Variants in FAM20C observed in about 807,000 individuals in gnomAD.
The protein encoded by FAM20C is FAM20C golgi associated secretory pathway kinase.
A neutral mutation model predicts 51.5 loss-of-function variants in FAM20C; 40 were observed. That is an observed-to-expected ratio of 0.78 (90% CI 0.60 to 1.01). The LOEUF (loss-of-function observed/expected upper bound fraction) is 1.01. FAM20C is among the 50% of genes least tolerant of loss of function. FAM20C has a pLI of 0.00. For missense variants in FAM20C, 861 were observed against 844.7 expected (o/e 1.02, Z -0.24); for synonymous variants, 406 against 380.6 (o/e 1.07, Z -0.78).
intron 2 of FAM20C, among the ~76,000 whole-genome samples, chr7:199,900 CT>C (rs1222410031): frequency 1.3e-5 from 2 of 152,210 alleles, no homozygotes; most frequent in Admixed American, 6.5e-5. Flanking sequence ...AGCTTCTGGA[CT>C]GAAATACAGA....
At chr7:214,441 G>A (rs547890447) in intron 3 of FAM20C, among the ~76,000 whole-genome samples, 41 of 152,290 alleles carry the variant, frequency 2.7e-4, no homozygotes, top group Admixed American at 2.5e-3. Flanking sequence ...TGTTATTCTC[G>A]TGCTTTTGGT....
At position 251,238 on chromosome 7, in the gene FAM20C, C is replaced by G. The variant is rs142330097; in HGVS notation, c.1072+2808C>G. Among the ~76,000 whole-genome samples the G allele has an allele frequency of 3.4e-3, 410 of 121,082 alleles. 3 individuals carry two copies. Among genetic ancestry groups the G allele is most frequent in the African/African-American group, 0.015 (339 of 22,684 alleles). 79.4% of individuals were successfully genotyped at this position (121,082 alleles called of 152,430 possible). A position where few individuals can be genotyped will look rare whatever the true frequency, so the allele number is the denominator to read the frequency against. On this transcript the variant is annotated intron_variant, in intron 5 of 9. Coordinates refer to ENST00000313766, the MANE Select transcript of FAM20C (RefSeq NM_020223.4). Reference sequence around the variant, plus strand: ...GAGTGGCCGGGCACGGCGGCTCACGCCTGCACTGAGTGGCCGGGCACGGTG... The same window carrying G: ...GAGTGGCCGGGCACGGCGGCTCACGGCTGCACTGAGTGGCCGGGCACGGTG...
chr7:195,951 G>A (rs144279285), intron 2 of FAM20C, among the ~76,000 whole-genome samples: 1 of 152,240 alleles, frequency 6.6e-6, no homozygotes. Flanking sequence ...CACGATGAGC[G>A]GGGAGACGCC....
rs1217665811 is a variant in FAM20C at position 192,747 on chromosome 7, G to A, written c.-453G>A. On this transcript the variant is annotated 5_prime_UTR_variant, in exon 1 of 10. Coordinates refer to ENST00000313766, the MANE Select transcript of FAM20C (RefSeq NM_020223.4). ...GGCCCGGAGGAGCCGCCCCTTCCCC[G>A]CCCGCCCGCCCGGCGCCTGGAGAGG... Among the ~76,000 whole-genome samples the A allele has an allele frequency of 1.5e-5, 1 of 65,342 alleles. No individual in the cohort carries two copies. The highest frequency in any genetic ancestry group is 6.0e-5 in the African/African-American group (1 of 16,782). 42.9% of individuals were successfully genotyped at this position (65,342 alleles called of 152,430 possible). A position where few individuals can be genotyped will look rare whatever the true frequency, so the allele number is the denominator to read the frequency against.
intron 3 of FAM20C, among the ~76,000 whole-genome samples, chr7:234,048 G>A (rs1787777075): frequency 6.6e-6 from 1 of 152,220 alleles, no homozygotes; most frequent in South Asian, 2.1e-4. Context: ...CGGCTGCTCA[G>A]TGCCCCCCTG....
chr7:197,933 G>T (rs4916972), intron 2 of FAM20C, among the ~76,000 whole-genome samples: 4 of 152,200 alleles, frequency 2.6e-5, no homozygotes, highest in African/African-American at 7.2e-5. Context: ...CAGCTGTCCC[G>T]GGGCAGTGGT....
chr7:260,001 G>T lies in FAM20C; in HGVS notation c.*21G>T. 1 of 1,490,996 alleles carries T rather than the reference G, an allele frequency of 6.7e-7. No homozygotes were observed. The highest frequency in any genetic ancestry group is 8.9e-7 in the Non-Finnish European group (1 of 1,117,320). The allele number at this position is 1,490,996 out of a possible 1,614,324, so 92.4% of individuals were successfully genotyped here. A position where few individuals can be genotyped will look rare whatever the true frequency, so the allele number is the denominator to read the frequency against. On this transcript the variant is annotated 3_prime_UTR_variant, in exon 10 of 10. Transcript: ENST00000313766. ...GGTAGTGTCCGCCGGCCGCTGCGCT[G>T]CCCGGGACGGAGACAGAGGCGCCGG... is the stretch of plus-strand genomic sequence containing the variant.
At chr7:249,195 G>T (rs1788298160) in intron 5 of FAM20C, among the ~76,000 whole-genome samples, 1 of 152,202 alleles carries the variant, frequency 6.6e-6, no homozygotes, top group African/African-American at 2.4e-5. Flanking sequence ...CACTCAGCAG[G>T]ACCCCCGTTG....
At chr7:220,757 G>A (rs1337406606) in intron 3 of FAM20C, among the ~76,000 whole-genome samples, 1 of 152,242 alleles carries the variant, frequency 6.6e-6, no homozygotes, top group Non-Finnish European at 1.5e-5. Context: ...AGCTCCACGT[G>A]GTGGGCAGGT....
At chr7:234,380 G>A (rs1008379020) in intron 3 of FAM20C, among the ~76,000 whole-genome samples, 7 of 152,338 alleles carry the variant, frequency 4.6e-5, no homozygotes, top group Admixed American at 1.3e-4. Flanking sequence ...GGGCGTGGCC[G>A]GGTGCAGCTT....
chr7:249,283 T>A (rs1290452440), intron 5 of FAM20C, among the ~76,000 whole-genome samples: 3 of 152,242 alleles, frequency 2.0e-5, no homozygotes, highest in African/African-American at 7.2e-5. Context: ...AGGCCCCTGG[T>A]CCCTGGTGCC....
intron 4 of FAM20C, among the ~76,000 whole-genome samples, chr7:246,775 A>T (rs1788184789): frequency 6.6e-6 from 1 of 151,478 alleles, no homozygotes; most frequent in Non-Finnish European, 1.5e-5. Flanking sequence ...GTGTCATCGT[A>T]GCCCACACAA....
chr7:209,839 A>G (rs1393534834), intron 3 of FAM20C, among the ~76,000 whole-genome samples: 1 of 152,242 alleles, frequency 6.6e-6, no homozygotes, highest in African/African-American at 2.4e-5. Flanking sequence ...GTAAAACAAA[A>G]TATAGCTGCC....
In FAM20C at chr7:260,301, C is replaced by T. The variant is rs1426711489; in HGVS notation, c.*321C>T. On this transcript the variant is annotated 3_prime_UTR_variant, in exon 10 of 10. Transcript: ENST00000313766. ...TATATTTGATGAATAAGTATATAAA[C>T]AGAGACGTGTACACAGATGCCAATC... 3.9e-6 allele frequency: 1 copy of T among 254,668 alleles called. No homozygotes were observed. The highest frequency in any genetic ancestry group is 7.5e-6 in the Non-Finnish European group (1 of 133,026). 15.8% of individuals were successfully genotyped at this position (254,668 alleles called of 1,614,324 possible). A position where few individuals can be genotyped will look rare whatever the true frequency, so the allele number is the denominator to read the frequency against.
chr7:231,699 C>T (rs571505543), intron 3 of FAM20C, among the ~76,000 whole-genome samples: 34 of 152,122 alleles, frequency 2.2e-4, no homozygotes, highest in African/African-American at 8.0e-4. Context: ...CTGTGAGGGG[C>T]GCGTGCGTCT....
At position 193,672 on chromosome 7, in the gene FAM20C, C is replaced by G. The variant is rs1322298845; in HGVS notation, c.473C>G (p.Ala158Gly). Residue 158 changes from alanine to glycine, a missense_variant, in exon 1 of 10, where the codon GCC becomes GGC. Around this residue, in one of 3 missense-constraint regions of FAM20C, gnomAD observed 561 missense variants for 499.8 expected, o/e 1.12. Coordinates refer to ENST00000313766, the MANE Select transcript of FAM20C (RefSeq NM_020223.4). The part of the protein sequence containing the change: ...SESPPGPGGD[A>G]SLLARLFEHP... Reference sequence around the variant, plus strand: ...TCGCCCCCCGGCCCCGGCGGAGACGCCTCCCTCCTGGCCAGGCTGTTCGAG... The same window carrying G: ...TCGCCCCCCGGCCCCGGCGGAGACGGCTCCCTCCTGGCCAGGCTGTTCGAG... The G allele has an allele frequency of 6.5e-7, 1 of 1,540,958 alleles. No homozygotes were observed. Among genetic ancestry groups the G allele is most frequent in the South Asian group, 1.2e-5 (1 of 83,238 alleles).
At chr7:206,054 C>G (rs372195458) in intron 2 of FAM20C, among the ~76,000 whole-genome samples, 7 of 152,160 alleles carry the variant, frequency 4.6e-5, no homozygotes, top group African/African-American at 1.4e-4. Context: ...CACGCGCGTG[C>G]CCTCCAGCCA....
In FAM20C at chr7:193,761, A is replaced by G. The variant is rs1161835403; in HGVS notation, c.562A>G (p.Ser188Gly). 6 of 1,550,506 alleles carry G rather than the reference A, an allele frequency of 3.9e-6. No homozygotes were observed. Among genetic ancestry groups the G allele is most frequent in the Middle Eastern group, 3.4e-4 (2 of 5,832 alleles). Residue 188 changes from serine to glycine, a missense_variant, in exon 1 of 10, where the codon AGC (serine) becomes GGC (glycine). Coordinates refer to ENST00000313766, the MANE Select transcript of FAM20C (RefSeq NM_020223.4). ...GGAGGACGTCCTGTTCAATGTGAAC[A>G]GCGACACCAGGCTCAGCCCCAAAGC... Reference protein sequence around the residue: ...TEEDVLFNVNSDTRLSPKAAE... With the variant: ...TEEDVLFNVNGDTRLSPKAAE...
intron 3 of FAM20C, among the ~76,000 whole-genome samples, chr7:220,979 G>T (rs28460441): frequency 1.5e-4 from 14 of 92,994 alleles, no homozygotes; most frequent in African/African-American, 5.0e-4. Context: ...CAGGGCGGAG[G>T]CTCGTCTCCA....
Sources: gnomAD v4.1 joint callset for allele counts (sites outside exome capture counted in the v4.1 genomes callset) on GRCh38, gnomAD v4.1.1 for gene constraint, gnomAD v4.1.1 regional missense constraint, MANE v1.5 for transcripts, NCBI Gene and HGNC (gene_info 2026-07-23, HGNC 2026-07-21) for gene names.